The following LRFN5 variants were observed in gnomAD, a reference collection of about 807,000 sequenced individuals.
LRFN5 encodes the protein leucine-rich repeat and fibronectin type-III domain-containing protein 5.
A neutral mutation model predicts 45.6 loss-of-function variants in LRFN5; 24 were observed. That is an observed-to-expected ratio of 0.53 (90% CI 0.38 to 0.74). LRFN5 has a LOEUF of 0.74. Ranked by LOEUF, LRFN5 falls within the 30% of genes least tolerant of loss-of-function variation. LRFN5 has a pLI of 0.00. For missense variants in LRFN5, 776 were observed against 861.5 expected, an observed-to-expected ratio of 0.90 and a Z score of 1.24; for synonymous variants, 340 against 313.8, an observed-to-expected ratio of 1.08 and a Z score of -0.88.
chr14:41,642,292 C>A (rs1411715877), intron 1 of LRFN5, among the ~76,000 whole-genome samples: 1 of 152,080 alleles, frequency 6.6e-6, no homozygotes. Context: ...AAAATAAATT[C>A]TAGAGTAAAA....
intron 2 of LRFN5, among the ~76,000 whole-genome samples, chr14:41,843,145 A>G (rs1463096223): frequency 6.9e-6 from 1 of 144,578 alleles, no homozygotes; most frequent in East Asian, 2.1e-4. Context: ...GAGTGTAGTG[A>G]TAAAATGACA....
chr14:41,697,352 C>T (rs1566625744), intron 1 of LRFN5, among the ~76,000 whole-genome samples: 1 of 151,636 alleles, frequency 6.6e-6, no homozygotes, highest in African/African-American at 2.4e-5. Context: ...GTTTGCTTTA[C>T]AAATCAATAA....
chr14:41,678,613 A>G (rs1325538170), intron 1 of LRFN5, among the ~76,000 whole-genome samples: 1 of 152,188 alleles, frequency 6.6e-6, no homozygotes, highest in East Asian at 1.9e-4. Context: ...GCATATTAAC[A>G]ATTCCCAGTA....
At chr14:41,735,077 C>G (rs1324098691) in intron 1 of LRFN5, among the ~76,000 whole-genome samples, 2 of 152,058 alleles carry the variant, frequency 1.3e-5, no homozygotes, top group African/African-American at 4.8e-5. Context: ...AACATCATTA[C>G]AGCATAAAAA....
intron 2 of LRFN5, among the ~76,000 whole-genome samples, chr14:41,878,204 T>C (rs72670419): frequency 0.17 from 26,090 of 152,080 alleles, 2,753 homozygotes; most frequent in Middle Eastern, 0.26. Flanking sequence ...CACAATACTG[T>C]AGCCGTTTAA....
chr14:41,738,652 A>G (rs1176392791), intron 1 of LRFN5, among the ~76,000 whole-genome samples: 1 of 152,174 alleles, frequency 6.6e-6, no homozygotes, highest in African/African-American at 2.4e-5. Context: ...AGTCTTTTCA[A>G]GATCCCGTTT....
intron 1 of LRFN5, among the ~76,000 whole-genome samples, chr14:41,617,997 C>T (rs886169289): frequency 2.0e-5 from 3 of 152,092 alleles, no homozygotes; most frequent in South Asian, 2.1e-4. Context: ...TGTTGATGCT[C>T]TTAATGAGTG....
chr14:41,696,736 C>G (rs1882630165), intron 1 of LRFN5, among the ~76,000 whole-genome samples: 1 of 151,898 alleles, frequency 6.6e-6, no homozygotes, highest in African/African-American at 2.4e-5. Flanking sequence ...CACTTGTTAT[C>G]TTTCATCTTT....
intron 1 of LRFN5, among the ~76,000 whole-genome samples, chr14:41,703,767 T>C (rs1472993814): frequency 9.9e-5 from 15 of 152,176 alleles, no homozygotes; most frequent in Admixed American, 9.2e-4. Context: ...GATGATAGTG[T>C]CAGGTGGTAC....
chr14:41,888,968 CAT>C (rs1257859770), intron 3 of LRFN5, among the ~76,000 whole-genome samples: 1 of 149,688 alleles, frequency 6.7e-6, no homozygotes, highest in Non-Finnish European at 1.5e-5. Flanking sequence ...TATATATACA[CAT>C]ATGTGTGTAT....
chr14:41,737,511 G>T (rs568795738), intron 1 of LRFN5, among the ~76,000 whole-genome samples: 4 of 152,078 alleles, frequency 2.6e-5, no homozygotes, highest in African/African-American at 9.7e-5. Flanking sequence ...GGGCAGTCGG[G>T]CAAGAGAAAG....
At chr14:41,816,028 G>A (rs1887905113) in intron 2 of LRFN5, among the ~76,000 whole-genome samples, 1 of 151,966 alleles carries the variant, frequency 6.6e-6, no homozygotes, top group Non-Finnish European at 1.5e-5. Flanking sequence ...ACTACTCCAA[G>A]ATGTTGTAGT....
chr14:41,757,751 T>G (rs1202704744), intron 1 of LRFN5, among the ~76,000 whole-genome samples: 1 of 152,186 alleles, frequency 6.6e-6, no homozygotes, highest in African/African-American at 2.4e-5. Context: ...CTCGGTGCGC[T>G]GCACCCACTG....
At chr14:41,744,819 T>G (rs1474804092) in intron 1 of LRFN5, among the ~76,000 whole-genome samples, 1 of 152,112 alleles carries the variant, frequency 6.6e-6, no homozygotes, top group Non-Finnish European at 1.5e-5. Context: ...TTAATAAAAG[T>G]TGAGCAAGAG....
intron 1 of LRFN5, among the ~76,000 whole-genome samples, chr14:41,760,221 C>A (rs893423038): frequency 2.0e-5 from 3 of 152,084 alleles, no homozygotes; most frequent in Non-Finnish European, 4.4e-5. Flanking sequence ...ACAAATAATT[C>A]TCTCCCTCAT....
intron 1 of LRFN5, among the ~76,000 whole-genome samples, chr14:41,631,015 T>C (rs1428538372): frequency 6.6e-6 from 1 of 152,174 alleles, no homozygotes; most frequent in East Asian, 1.9e-4. Flanking sequence ...TTTTAATTTA[T>C]ACTGTATATT....
chr14:41,662,220 G>A (rs986867964), intron 1 of LRFN5, among the ~76,000 whole-genome samples: 4 of 152,048 alleles, frequency 2.6e-5, no homozygotes, highest in Admixed American at 6.6e-5. Flanking sequence ...ATGAATAAGA[G>A]CTGAGACGTC....
intron 1 of LRFN5, among the ~76,000 whole-genome samples, chr14:41,661,169 C>T (rs1048888734): frequency 1.3e-5 from 2 of 151,664 alleles, no homozygotes; most frequent in Non-Finnish European, 2.9e-5. Flanking sequence ...TTTCTAATCC[C>T]TTCTTCCTAA....
chr14:41,732,169 A>G (rs1212705198), intron 1 of LRFN5, among the ~76,000 whole-genome samples: 1 of 152,146 alleles, frequency 6.6e-6, no homozygotes, highest in African/African-American at 2.4e-5. Context: ...CCAGCTGTGT[A>G]CATGTTCCTA....
Sources: gnomAD v4.1 joint callset for allele counts (sites outside exome capture counted in the v4.1 genomes callset) on GRCh38, gnomAD v4.1.1 for gene constraint, MANE v1.5 for transcripts, NCBI Gene and HGNC (gene_info 2026-07-23, HGNC 2026-07-21) for gene names.